Variants in CPNE8 observed in about 807,000 individuals in gnomAD.
CPNE8 encodes copine-8.
CPNE8 carries 45 observed loss-of-function variants against 81.5 expected under a neutral mutation model. The ratio of observed to expected loss-of-function variants is 0.55; its 90% CI spans 0.44 to 0.71. The LOEUF (loss-of-function observed/expected upper bound fraction) is 0.71, where lower values mean the gene tolerates loss of function less well. Among genes scored for constraint, CPNE8 ranks in the 30% least tolerant of loss-of-function variants. The probability of loss-of-function intolerance (pLI) is 0.00; values close to 1 mark genes in which losing one functional copy is unlikely to be tolerated. For missense variants in CPNE8, 594 were observed against 672.1 expected (o/e 0.88, Z 1.28); for synonymous variants, 252 against 226.3 (o/e 1.11, Z -1.02).
At chr12:38,886,086 G>A (rs766105959) in intron 1 of CPNE8, among the ~76,000 whole-genome samples, 3 of 152,094 alleles carry the variant, frequency 2.0e-5, no homozygotes, top group Non-Finnish European at 4.4e-5. Flanking sequence ...AGATGGCTGG[G>A]GTTATTAGCT....
intron 1 of CPNE8, among the ~76,000 whole-genome samples, chr12:38,893,962 C>A (rs1412167422): frequency 1.3e-5 from 2 of 152,134 alleles, no homozygotes; most frequent in Admixed American, 1.3e-4. Flanking sequence ...CACTAGTTTA[C>A]AATGGGCTTT....
At chr12:38,729,310 T>C (rs1335756102) in intron 11 of CPNE8, among the ~76,000 whole-genome samples, 1 of 152,078 alleles carries the variant, frequency 6.6e-6, no homozygotes, top group Non-Finnish European at 1.5e-5. Context: ...TCTTTGTCTC[T>C]TTCTGACTGA....
At chr12:38,894,008 C>T (rs749760458) in intron 1 of CPNE8, among the ~76,000 whole-genome samples, 6 of 151,876 alleles carry the variant, frequency 4.0e-5, no homozygotes, top group South Asian at 2.1e-4. Context: ...GAAGTATGTC[C>T]CCATTTTATT....
chr12:38,713,825 T>A (rs1180197156), intron 13 of CPNE8, among the ~76,000 whole-genome samples: 1 of 127,312 alleles, frequency 7.9e-6, no homozygotes. Context: ...GAGTTTGGCC[T>A]TTTTTCAAAG....
At chr12:38,660,691 G>A (rs536594016) in intron 19 of CPNE8, among the ~76,000 whole-genome samples, 1 of 152,194 alleles carries the variant, frequency 6.6e-6, no homozygotes, top group East Asian at 1.9e-4. Context: ...TACAGAATGG[G>A]AGAAAATTTT....
chr12:38,807,368 T>C (rs1254895284), intron 6 of CPNE8, among the ~76,000 whole-genome samples: 1 of 149,224 alleles, frequency 6.7e-6, no homozygotes, highest in Non-Finnish European at 1.5e-5. Flanking sequence ...AAGGCTACAG[T>C]CACCAAAACA....
chr12:38,673,087 C>T (rs187699974), intron 18 of CPNE8, among the ~76,000 whole-genome samples: 169 of 152,232 alleles, frequency 1.1e-3, no homozygotes, highest in Middle Eastern at 6.8e-3. Flanking sequence ...ATGCTGTTCT[C>T]GTGATAGTGA....
chr12:38,898,715 C>A (rs929965069), intron 1 of CPNE8, among the ~76,000 whole-genome samples: 2 of 152,174 alleles, frequency 1.3e-5, no homozygotes, highest in African/African-American at 4.8e-5. Context: ...GAGCCTCCAA[C>A]TGTTGTGTTT....
At chr12:38,796,108 C>G (rs1942464724) in intron 6 of CPNE8, among the ~76,000 whole-genome samples, 1 of 152,018 alleles carries the variant, frequency 6.6e-6, no homozygotes. Flanking sequence ...ACAAATATAA[C>G]ATGGCCATCT....
chr12:38,801,729 C>A (rs983366313), intron 6 of CPNE8, among the ~76,000 whole-genome samples: 10 of 72,468 alleles, frequency 1.4e-4, no homozygotes, highest in African/African-American at 5.3e-4. Flanking sequence ...GATAAAGAGT[C>A]AAGACCCATC....
At chr12:38,904,984 G>A (rs967146509) in intron 1 of CPNE8, among the ~76,000 whole-genome samples, 2 of 152,130 alleles carry the variant, frequency 1.3e-5, no homozygotes, top group Admixed American at 1.3e-4. Context: ...GGAAGCTGCC[G>A]GGGTTGGAGC....
intron 6 of CPNE8, among the ~76,000 whole-genome samples, chr12:38,787,270 A>G (rs1385752741): frequency 6.6e-6 from 1 of 152,104 alleles, no homozygotes; most frequent in East Asian, 1.9e-4. Context: ...TCTGACTACA[A>G]TGTAATAAAA....
At chr12:38,699,736 T>C (rs749285252) in intron 14 of CPNE8, among the ~76,000 whole-genome samples, 9 of 152,222 alleles carry the variant, frequency 5.9e-5, no homozygotes, top group Non-Finnish European at 1.3e-4. Flanking sequence ...TATAGCATTT[T>C]CTGCGAGTGC....
At chr12:38,661,862 A>G (rs1221615405) in intron 19 of CPNE8, among the ~76,000 whole-genome samples, 11 of 151,852 alleles carry the variant, frequency 7.2e-5, no homozygotes. Context: ...TGTGCAAATC[A>G]ATAAATGTGA....
At chr12:38,749,488 G>A (rs1173982808) in intron 10 of CPNE8, among the ~76,000 whole-genome samples, 1 of 152,188 alleles carries the variant, frequency 6.6e-6, no homozygotes, top group Non-Finnish European at 1.5e-5. Flanking sequence ...AAGAAGGTAG[G>A]AAAATGTGGG....
intron 19 of CPNE8, among the ~76,000 whole-genome samples, chr12:38,664,252 CAAT>C (rs1383283096): frequency 1.3e-5 from 2 of 151,652 alleles, no homozygotes; most frequent in African/African-American, 2.4e-5. Context: ...TGTATAATGT[CAAT>C]AATAAAATAA....
At chr12:38,723,949 AT>A (rs1940634621) in intron 12 of CPNE8, 116 bp from the exon 13 acceptor site, 2 of 652,460 alleles carry the variant, frequency 3.1e-6, no homozygotes, top group Non-Finnish European at 5.4e-6. Flanking sequence ...TAAAGATATT[AT>A]TTTTTATTAA....
At chr12:38,707,699 T>C (rs996587759) in intron 13 of CPNE8, among the ~76,000 whole-genome samples, 1 of 152,234 alleles carries the variant, frequency 6.6e-6, no homozygotes, top group Admixed American at 6.5e-5. Context: ...ATTCTTTGTC[T>C]CATTCTGCAT....
chr12:38,661,694 C>CACA (rs747810089), intron 19 of CPNE8, among the ~76,000 whole-genome samples: 1 of 152,058 alleles, frequency 6.6e-6, no homozygotes, highest in Non-Finnish European at 1.5e-5. Context: ...CAGACAAGGA[C>CACA]ACAACAACAA....
Sources: allele counts gnomAD v4.1 joint callset (sites outside exome capture counted in the v4.1 genomes callset), GRCh38; gene constraint gnomAD v4.1.1; transcripts MANE v1.5; gene names NCBI Gene and HGNC (gene_info 2026-07-23, HGNC 2026-07-21).